The following MIB1 variants were observed in gnomAD, a reference collection of about 807,000 sequenced individuals.
MIB1 encodes the protein E3 ubiquitin-protein ligase MIB1.
MIB1 carries 278 observed loss-of-function variants against 124.5 expected under a neutral mutation model. The ratio of observed to expected loss-of-function variants is 2.23; its 90% CI spans 2.02 to 2.47. The LOEUF is 2.47. Ranked by LOEUF, MIB1 falls within the 30% of genes most tolerant of loss-of-function variation. MIB1 has a pLI of 0.00. For synonymous variants in MIB1, 446 were observed against 429.4 expected (o/e 1.04, Z -0.48); for missense variants, 957 against 1,254.4 (o/e 0.76, Z 3.58).
chr18:21,788,727 T>C (rs1014468510), intron 6 of MIB1, among the ~76,000 whole-genome samples: 1 of 152,130 alleles, frequency 6.6e-6, no homozygotes, highest in African/African-American at 2.4e-5. Flanking sequence ...ACCCAAAGAA[T>C]CCACAAAAGC....
At position 21,860,238 on chromosome 18, in the gene MIB1, C is replaced by A. The variant is rs753405556; in HGVS notation, c.2880+1592C>A. On this transcript the variant is annotated intron_variant, in intron 20 of 20. Transcript: ENST00000261537. ...GCCTCAGCTTCCCAAGTAGCTGGGA[C>A]TACAGGTGCACACCACCACCCTCAG... Among the ~76,000 whole-genome samples, 3 of 148,462 alleles carry A rather than the reference C, an allele frequency of 2.0e-5. No individual in the cohort carries two copies. The East Asian group carries it at 6.2e-4, about 31-fold the overall frequency.
At chr18:21,728,698 T>TG (rs757826988) in intron 1 of MIB1, among the ~76,000 whole-genome samples, 1 of 152,182 alleles carries the variant, frequency 6.6e-6, no homozygotes, top group East Asian at 1.9e-4. Context: ...GTACATATTT[T>TG]GGGGGGTCCA....
At chr18:21,744,970 A>T (rs566446036) in intron 1 of MIB1, among the ~76,000 whole-genome samples, 22 of 152,320 alleles carry the variant, frequency 1.4e-4, no homozygotes, top group African/African-American at 5.3e-4. Context: ...GAAGAATAAC[A>T]CTTTAAAAGT....
intron 1 of MIB1, among the ~76,000 whole-genome samples, chr18:21,723,798 G>A (rs2040725626): frequency 6.6e-6 from 1 of 152,156 alleles, no homozygotes; most frequent in Non-Finnish European, 1.5e-5. Flanking sequence ...ACAGGCATGA[G>A]CCACTGTGCC....
intron 1 of MIB1, among the ~76,000 whole-genome samples, chr18:21,760,395 A>G (rs888191330): frequency 6.6e-6 from 1 of 152,178 alleles, no homozygotes; most frequent in Non-Finnish European, 1.5e-5. Flanking sequence ...AATTAATTGT[A>G]TTCTCATTAA....
chr18:21,822,283 A>G (rs1482132052), intron 12 of MIB1, among the ~76,000 whole-genome samples: 1 of 152,222 alleles, frequency 6.6e-6, no homozygotes, highest in Non-Finnish European at 1.5e-5. Context: ...GTATCTTTTA[A>G]ATATTTTGAG....
At chr18:21,713,604 T>A (rs8088138) in intron 1 of MIB1, among the ~76,000 whole-genome samples, 1 of 130,478 alleles carries the variant, frequency 7.7e-6, no homozygotes, top group African/African-American at 2.9e-5. Flanking sequence ...CAGAGCAAGA[T>A]TCTGTCTCAA....
chr18:21,803,160 T>G (rs993907537), intron 9 of MIB1, among the ~76,000 whole-genome samples: 3 of 152,260 alleles, frequency 2.0e-5, no homozygotes, highest in Non-Finnish European at 4.4e-5. Context: ...ATGTTCTCCC[T>G]TTATCTTTAT....
At chr18:21,707,781 C>T (rs1033975700) in intron 1 of MIB1, among the ~76,000 whole-genome samples, 1 of 152,148 alleles carries the variant, frequency 6.6e-6, no homozygotes, top group Non-Finnish European at 1.5e-5. Context: ...TGTGCCTGGC[C>T]CAGTTTAAGT....
chr18:21,741,442 G>T lies in MIB1; in HGVS notation c.-142G>T. On this transcript the variant is annotated 5_prime_UTR_variant, in exon 1 of 21. Coordinates refer to ENST00000261537, the MANE Select transcript of MIB1 (RefSeq NM_020774.4). This position sits in a 1 kb window ranked among gnomAD's most constrained non-coding sequence, Gnocchi z 5.4. ...GCGGGGACCGCGCCGCCGCCCCCGTGAGTTATTCTCACGTCCCCCGGGGCT... is the reference window on the plus strand; with the variant it reads ...GCGGGGACCGCGCCGCCGCCCCCGTTAGTTATTCTCACGTCCCCCGGGGCT... The T allele has an allele frequency of 2.6e-6, 1 of 384,228 alleles. No homozygotes were observed. Among genetic ancestry groups the T allele is most frequent in the South Asian group, 1.3e-4 (1 of 7,862 alleles). The allele number at this position is 384,228 out of a possible 1,614,324, so 23.8% of individuals were successfully genotyped here.
intron 12 of MIB1, among the ~76,000 whole-genome samples, chr18:21,831,800 G>T (rs983804691): frequency 6.6e-6 from 1 of 152,106 alleles, no homozygotes; most frequent in Non-Finnish European, 1.5e-5. Context: ...GAGAAAAAAG[G>T]AAAGAGGAAA....
chr18:21,804,007 A>T lies in MIB1; in HGVS notation c.1472A>T (p.Glu491Val). 1 of 1,608,576 alleles carries T rather than the reference A, an allele frequency of 6.2e-7. No individual in the cohort carries two copies. Among genetic ancestry groups the T allele is most frequent in the African/African-American group, 1.3e-5 (1 of 74,922 alleles). ...KLLLKQNVDV[E>V]AEDKDGDRAV... is the part of the protein sequence containing the mutation. ...CTTTTGAAGCAAAACGTGGATGTCG[A>T]AGCAGAGGTAAGTAAACTTGAAAAA... Residue 491 changes from glutamate to valine, a missense_variant, in exon 10 of 21, where the codon GAA becomes GTA. Physicochemically the swap from Glu to Val is moderately radical, Grantham distance 121 (BLOSUM62 -2). Coordinates refer to ENST00000261537, the MANE Select transcript of MIB1 (RefSeq NM_020774.4).
intron 10 of MIB1, among the ~76,000 whole-genome samples, chr18:21,813,337 A>T (rs546157172): frequency 6.6e-6 from 1 of 152,070 alleles, no homozygotes; most frequent in African/African-American, 2.4e-5. Flanking sequence ...ACATGCATAT[A>T]TATCTTATTT....
intron 1 of MIB1, among the ~76,000 whole-genome samples, chr18:21,716,434 A>G (rs927882300): frequency 1.3e-5 from 2 of 152,194 alleles, no homozygotes; most frequent in Admixed American, 1.3e-4. Flanking sequence ...ATCTTACAGG[A>G]CCTATAAAAC....
At position 21,741,500 on chromosome 18, in the gene MIB1, C is replaced by A; in HGVS notation, c.-84C>A. 4 of 1,024,856 alleles carry A rather than the reference C, an allele frequency of 3.9e-6. No individual in the cohort carries two copies. Among genetic ancestry groups the A allele is most frequent in the Non-Finnish European group, 5.0e-6 (4 of 798,258 alleles). The allele number at this position is 1,024,856 out of a possible 1,614,324, so 63.5% of individuals were successfully genotyped here. ...GCCCCCGCCGACGCCTAGAGTCCGG[C>A]CCGGGCCCAACTCCCTCACGGGCCC... is the stretch of plus-strand genomic sequence containing the variant. On this transcript the variant is annotated 5_prime_UTR_variant, in exon 1 of 21. Transcript: ENST00000261537. The surrounding 1 kb of genome is among the most constrained non-coding windows in gnomAD (Gnocchi z 5.4).
At chr18:21,732,384 A>ACACACT (rs1364999297) in intron 1 of MIB1, among the ~76,000 whole-genome samples, 27 of 151,664 alleles carry the variant, frequency 1.8e-4, no homozygotes, top group African/African-American at 6.3e-4. Context: ...ACACACACAC[A>ACACACT]CACACACACA....
rs148863688 is a variant in MIB1, at chr18:21,850,519, C to G, written c.2586+1131C>G. Among the ~76,000 whole-genome samples, 68 of 152,306 alleles carry G rather than the reference C, an allele frequency of 4.5e-4. No homozygotes were observed. In the East Asian group the frequency reaches 0.013, roughly 28 times the overall value. On this transcript the variant is annotated intron_variant, in intron 17 of 20. Coordinates refer to ENST00000261537, the MANE Select transcript of MIB1 (RefSeq NM_020774.4). Reference sequence around the variant, plus strand: ...GCCTTGCCCCTGCTTCTTCTACTTTCAACCTTCTAAGCCTGGATGGTTTTT... The same window carrying G: ...GCCTTGCCCCTGCTTCTTCTACTTTGAACCTTCTAAGCCTGGATGGTTTTT...
chr18:21,751,023 C>G (rs780916445), intron 1 of MIB1, among the ~76,000 whole-genome samples: 1 of 151,752 alleles, frequency 6.6e-6, no homozygotes, highest in African/African-American at 2.4e-5. Context: ...ATGGCAAAAC[C>G]CCATCTCTAC....
intron 4 of MIB1, among the ~76,000 whole-genome samples, chr18:21,776,988 A>G (rs747559978): frequency 4.6e-5 from 7 of 152,062 alleles, no homozygotes; most frequent in Non-Finnish European, 1.0e-4. Context: ...AAAAAAAAAA[A>G]TTGATGTAAA....
Sources: gnomAD v4.1 joint callset for allele counts (sites outside exome capture counted in the v4.1 genomes callset) on GRCh38, gnomAD v4.1.1 for gene constraint, Gnocchi (gnomAD v3.1) non-coding constraint, MANE v1.5 for transcripts, NCBI Gene and HGNC (gene_info 2026-07-23, HGNC 2026-07-21) for gene names.